The following LARP1 variants were observed in gnomAD, a reference collection of about 807,000 sequenced individuals.
The protein encoded by LARP1 is la-related protein 1.
In LARP1, 36 loss-of-function variants were observed where a neutral mutation model predicts 122.7. The observed-to-expected ratio is 0.29, with a 90% CI of 0.22 to 0.39. The LOEUF (loss-of-function observed/expected upper bound fraction) is 0.39. Ranked by LOEUF, LARP1 falls within the 10% of genes least tolerant of loss-of-function variation. The pLI, the probability that LARP1 is intolerant of heterozygous loss-of-function variation, is 1.00. For synonymous variants in LARP1, 539 were observed against 528.7 expected (o/e 1.02, Z -0.27); for missense variants, 1,040 against 1,403.6 (o/e 0.74, Z 4.14).
At chr5:154,792,582 A>C in intron 3 of LARP1, 40 bp from the exon 4 acceptor site, 1 of 1,588,692 alleles carries the variant, frequency 6.3e-7, no homozygotes. Context: ...ACCATGAGGC[A>C]CTCACACTCA....
intron 1 of LARP1, among the ~76,000 whole-genome samples, chr5:154,726,041 T>C (rs2113375640): frequency 6.6e-6 from 1 of 152,172 alleles, no homozygotes; most frequent in African/African-American, 2.4e-5. Flanking sequence ...GTTATCTCCA[T>C]GTTGCCCAGG....
intron 1 of LARP1, among the ~76,000 whole-genome samples, chr5:154,767,134 C>G (rs1024344188): frequency 1.3e-5 from 2 of 152,110 alleles, no homozygotes; most frequent in African/African-American, 4.8e-5. Flanking sequence ...TCACAGTTAG[C>G]GCAGCCATTT....
rs1554078476 is a variant in LARP1, at chr5:154,692,991, AT to A, written c.-180+9968del. Reference sequence around the variant, plus strand: ...ACCCAGCTAATTTTAATTTTTAATTATTTTTTTTTTTTTTGTAGAGACAAAG... The same window carrying A: ...ACCCAGCTAATTTTAATTTTTAATTATTTTTTTTTTTTTGTAGAGACAAAG... On this transcript the variant is annotated intron_variant, in intron 1 of 18. Transcript: ENST00000687700. Among the ~76,000 whole-genome samples, 134 of 131,360 alleles carry A rather than the reference AT, an allele frequency of 1.0e-3. 1 individual carries two copies. Among genetic ancestry groups the A allele is most frequent in the Non-Finnish European group, 1.3e-3 (82 of 63,910 alleles). 86.2% of individuals were successfully genotyped at this position (131,360 alleles called of 152,430 possible). A position where few individuals can be genotyped will look rare whatever the true frequency, so the allele number is the denominator to read the frequency against.
Position 154,808,610 on chromosome 5 carries a change from A to G in LARP1, c.2843+7A>G. ...ACGCCAAAGAAGGCTACAGGTGAGC[A>G]GGTTTGGGTGGGGGACTTTGGCTGG... On this transcript the variant is annotated splice_region_variant and intron_variant, in intron 16 of 18. Transcript: ENST00000518297. 6.2e-7 allele frequency: 1 copy of G among 1,610,684 alleles called. No individual in the cohort carries two copies. Among genetic ancestry groups the G allele is most frequent in the Non-Finnish European group, 8.5e-7 (1 of 1,178,308 alleles).
intron 1 of LARP1, among the ~76,000 whole-genome samples, chr5:154,771,668 C>G (rs577043962): frequency 5.3e-5 from 8 of 152,258 alleles, no homozygotes; most frequent in Non-Finnish European, 1.2e-4. Flanking sequence ...CGCCTCAACT[C>G]TGCCTCCGCT....
intron 16 of LARP1, 60 bp from the exon 17 acceptor site, chr5:154,811,187 C>A: frequency 8.1e-7 from 1 of 1,234,148 alleles, no homozygotes; most frequent in South Asian, 1.2e-5. Flanking sequence ...GTTATGCAGG[C>A]ACATTTCCCG....
At chr5:154,739,687 C>T (rs998371603) in intron 1 of LARP1, among the ~76,000 whole-genome samples, 14 of 152,248 alleles carry the variant, frequency 9.2e-5, no homozygotes, top group African/African-American at 3.1e-4. Flanking sequence ...GCGTGAGCCA[C>T]CATACCCAGC....
chr5:154,709,925 G>A (rs1390233967), upstream of LARP1, among the ~76,000 whole-genome samples: 3 of 152,122 alleles, frequency 2.0e-5, no homozygotes, highest in East Asian at 5.8e-4. Context: ...CCCAGTGCTA[G>A]CATCGTCACC....
intron 1 of LARP1, among the ~76,000 whole-genome samples, chr5:154,776,976 A>T (rs993715767): frequency 4.6e-5 from 7 of 152,260 alleles, no homozygotes; most frequent in African/African-American, 1.7e-4. Context: ...ACCCAAGTAC[A>T]GTCTCGTGTC....
intron 1 of LARP1, among the ~76,000 whole-genome samples, chr5:154,790,040 C>G (rs1017242070): frequency 1.3e-5 from 2 of 152,208 alleles, no homozygotes; most frequent in African/African-American, 2.4e-5. Flanking sequence ...CGGAACTGTA[C>G]TCTCTGAGGG....
chr5:154,810,731 C>T (rs905044956), intron 16 of LARP1, among the ~76,000 whole-genome samples: 1 of 152,102 alleles, frequency 6.6e-6, no homozygotes, highest in Admixed American at 6.5e-5. Context: ...AAGTGATCTG[C>T]GTGCCTTGGC....
At chr5:154,709,175 G>A (rs1755095529), upstream of LARP1, among the ~76,000 whole-genome samples, 1 of 152,172 alleles carries the variant, frequency 6.6e-6, no homozygotes, top group Non-Finnish European at 1.5e-5. Context: ...TTAGCAGCAG[G>A]CAGAATCAAC....
rs943069579 is a variant in LARP1 at position 154,756,220 on chromosome 5, G to A, written c.436+27G>A. 6.5e-6 allele frequency: 8 copies of A among 1,223,332 alleles called. No homozygotes were observed. In the Middle Eastern group the frequency reaches 7.8e-4, roughly 120 times the overall value. 75.8% of individuals were successfully genotyped at this position (1,223,332 alleles called of 1,614,324 possible). ...TGGGTCTCCCTCCTTGCCCTCCTGGGTCCGGGGGCCTCTTCCGGGGACATG... is the reference window on the plus strand; with the variant it reads ...TGGGTCTCCCTCCTTGCCCTCCTGGATCCGGGGGCCTCTTCCGGGGACATG... On this transcript the variant is annotated intron_variant, in intron 1 of 18. Coordinates refer to ENST00000518297, the MANE Select transcript of LARP1 (RefSeq NM_033551.3).
In LARP1 at chr5:154,817,174, T is replaced by C. The variant is rs555956897; in HGVS notation, c.*3078T>C. On this transcript the variant is annotated 3_prime_UTR_variant, in exon 19 of 19. Transcript: ENST00000518297. ...TTGCCAAAAAGCCTGGGTAGAGTGA[T>C]CTGAATTATCTGGCACCCTCCTGAA... 6.6e-6 allele frequency: 1 copy of C among 152,232 alleles called. No homozygotes were observed. Among genetic ancestry groups the C allele is most frequent in the Admixed American group, 6.5e-5 (1 of 15,300 alleles). 9.4% of individuals were successfully genotyped at this position (152,232 alleles called of 1,614,324 possible). A position where few individuals can be genotyped will look rare whatever the true frequency, so the allele number is the denominator to read the frequency against.
chr5:154,790,707 T>G lies in LARP1; in HGVS notation c.561T>G (p.Val187=), dbSNP rs1332236184. ...PTPGEIAHKS[V]QPQSHKPQPT... ...CTGGAGAGATAGCCCACAAGAGTGT[T>G]CAGGTGAGTCTGTGTGGAAGAATAG... is the stretch of plus-strand genomic sequence containing the variant. Residue 187 remains valine, a synonymous_variant, in exon 3 of 19, where the codon GTT becomes GTG. Coordinates refer to ENST00000518297, the MANE Select transcript of LARP1 (RefSeq NM_033551.3). 1 of 1,614,048 alleles carries G rather than the reference T, an allele frequency of 6.2e-7. No homozygotes were observed. The highest frequency in any genetic ancestry group is 1.7e-5 in the Admixed American group (1 of 60,004).
chr5:154,684,741 C>T (rs931587850), intron 1 of LARP1, among the ~76,000 whole-genome samples: 2 of 152,114 alleles, frequency 1.3e-5, no homozygotes, highest in African/African-American at 4.8e-5. Context: ...TCCATTTTTT[C>T]ATCTGTTCCA....
chr5:154,788,708 T>G (rs1757082973), intron 1 of LARP1, among the ~76,000 whole-genome samples: 1 of 151,392 alleles, frequency 6.6e-6, no homozygotes, highest in East Asian at 1.9e-4. Flanking sequence ...GAAGTGTGGA[T>G]GTAGAAGGGA....
At chr5:154,808,701 A>C (rs1470396178) in intron 16 of LARP1, 98 bp downstream of exon 16, 18 of 1,261,706 alleles carry the variant, frequency 1.4e-5, no homozygotes, top group Non-Finnish European at 7.6e-6. Flanking sequence ...AATTCCTTGC[A>C]TGTGTATGTT....
rs1455024390 is a variant in LARP1, at chr5:154,790,377, A to G, written c.489A>G (p.Lys163=). 9.9e-6 allele frequency: 16 copies of G among 1,613,636 alleles called. No individual in the cohort carries two copies. Among genetic ancestry groups the G allele is most frequent in the Non-Finnish European group, 1.4e-5 (16 of 1,179,776 alleles). ...VVRAAVPKQR[K]GSKVGDFGDA... is the part of the protein sequence containing the mutation. The stretch of plus-strand genomic sequence containing the variant: ...GGGCAGCTGTTCCTAAACAGCGCAA[A>G]GGCAGCAAGGTAAAGAATAACAGTG... The change falls in exon 2 of 19, where the codon AAA becomes AAG. Residue 163 remains lysine, a synonymous_variant. Coordinates refer to ENST00000518297, the MANE Select transcript of LARP1 (RefSeq NM_033551.3).
Sources: gnomAD v4.1 joint callset for allele counts (sites outside exome capture counted in the v4.1 genomes callset) on GRCh38, gnomAD v4.1.1 for gene constraint, MANE v1.5 for transcripts, NCBI Gene and HGNC (gene_info 2026-07-23, HGNC 2026-07-21) for gene names.